Variants in PSEN1 observed in about 807,000 individuals in gnomAD.
PSEN1 encodes presenilin 1.
In PSEN1, 15 loss-of-function variants were observed where a neutral mutation model predicts 53.5. The observed-to-expected ratio is 0.28, with a 90% CI of 0.19 to 0.43. The LOEUF is 0.43. Ranked by LOEUF, PSEN1 falls within the 20% of genes least tolerant of loss-of-function variation. The pLI is 1.00. For missense variants in PSEN1, 387 were observed against 571.2 expected (o/e 0.68, Z 3.29); for synonymous variants, 208 against 209.8 (o/e 0.99, Z 0.08).
At chr14:73,183,964 C>T (rs1194696591) in intron 5 of PSEN1, among the ~76,000 whole-genome samples, 1 of 142,646 alleles carries the variant, frequency 7.0e-6, no homozygotes, top group African/African-American at 2.7e-5. Flanking sequence ...GGGCGGCTGG[C>T]CGGGCAGAGG....
intron 9 of PSEN1, among the ~76,000 whole-genome samples, chr14:73,209,774 G>A (rs1899604002): frequency 6.6e-6 from 1 of 152,212 alleles, no homozygotes; most frequent in Admixed American, 6.5e-5. Context: ...GCTGAAGGAT[G>A]GAGGAAGAGC....
chr14:73,198,672 G>T (rs529870326), intron 8 of PSEN1, among the ~76,000 whole-genome samples: 11 of 152,342 alleles, frequency 7.2e-5, no homozygotes, highest in Admixed American at 2.0e-4. Context: ...TCAAGGGAAA[G>T]AGTTGATCAG....
intron 10 of PSEN1, among the ~76,000 whole-genome samples, chr14:73,214,501 G>T (rs1195523599): frequency 6.8e-6 from 1 of 146,290 alleles, no homozygotes; most frequent in African/African-American, 2.6e-5. Context: ...TTGCACTCCA[G>T]CCTGGGCAAC....
intron 9 of PSEN1, 45 bp from the exon 10 acceptor site, chr14:73,211,724 A>C (rs1210531422): frequency 4.4e-6 from 7 of 1,606,678 alleles, no homozygotes; most frequent in African/African-American, 1.3e-5. Context: ...AAAGGTATTA[A>C]ATTTTTCTAA....
intron 1 of PSEN1, chr14:73,137,208 CTT>C (rs1483208338): frequency 1.3e-5 from 2 of 152,374 alleles, no homozygotes; most frequent in African/African-American, 2.4e-5. Flanking sequence ...ATTGAGGTGA[CTT>C]TTCCATAATT....
At chr14:73,210,228 G>A (rs1189489773) in intron 9 of PSEN1, among the ~76,000 whole-genome samples, 1 of 152,174 alleles carries the variant, frequency 6.6e-6, no homozygotes, top group Admixed American at 6.5e-5. Flanking sequence ...AAATTCATCA[G>A]TGGAAAAAAA....
chr14:73,172,432 G>A (rs574069889), intron 4 of PSEN1, among the ~76,000 whole-genome samples: 3 of 152,302 alleles, frequency 2.0e-5, no homozygotes, highest in South Asian at 4.1e-4. Context: ...GTTTGGCAAC[G>A]TATTATAGAA....
Position 73,211,906 on chromosome 14 carries a change from T to A in PSEN1, c.1093T>A (p.Ser365Thr). Residue 365 changes from serine to threonine, a missense_variant, in exon 10 of 12, where the codon TCC becomes ACC. This residue lies in a region of PSEN1 where 75 missense variants were observed against 63.7 expected (regional missense o/e 1.18). Coordinates refer to ENST00000324501, the MANE Select transcript of PSEN1 (RefSeq NM_000021.4). ...PESRAAVQEL[S>T]SSILAGEDPE... ...GTCACGAGCTGCTGTCCAGGAACTT[T>A]CCAGCAGTATCCTCGCTGGTGAAGA... The A allele has an allele frequency of 3.1e-6, 5 of 1,613,940 alleles. No individual in the cohort carries two copies. Among genetic ancestry groups the A allele is most frequent in the Non-Finnish European group, 4.2e-6 (5 of 1,179,984 alleles).
chr14:73,210,134 C>A (rs956739670), intron 9 of PSEN1, among the ~76,000 whole-genome samples: 2 of 152,066 alleles, frequency 1.3e-5, no homozygotes, highest in African/African-American at 2.4e-5. Flanking sequence ...AAGGAAAAAA[C>A]AAACAAAAGA....
At chr14:73,173,815 TA>T (rs752737031) in intron 5 of PSEN1, 108 bp downstream of exon 5, 1 of 1,308,590 alleles carries the variant, frequency 7.6e-7, no homozygotes, top group Non-Finnish European at 1.1e-6. Flanking sequence ...TTTTGTCTTC[TA>T]GAGATAAGTT....
chr14:73,190,423 G>T (rs1037711404), intron 6 of PSEN1, among the ~76,000 whole-genome samples: 1 of 151,394 alleles, frequency 6.6e-6, no homozygotes, highest in African/African-American at 2.4e-5. Context: ...AAGGACTTTG[G>T]GGCTGCAGTG....
chr14:73,185,041 A>G (rs972176537), intron 5 of PSEN1, among the ~76,000 whole-genome samples: 2 of 147,814 alleles, frequency 1.4e-5, no homozygotes, highest in Admixed American at 6.7e-5. Context: ...CACTTCCTAG[A>G]TGTGATGGCA....
At chr14:73,193,844 A>G (rs1267666648) in intron 7 of PSEN1, among the ~76,000 whole-genome samples, 4 of 151,886 alleles carry the variant, frequency 2.6e-5, no homozygotes, top group African/African-American at 9.7e-5. Context: ...TTTTGTAGAG[A>G]GAACGTCTTG....
At chr14:73,210,993 G>A (rs1043602532) in intron 9 of PSEN1, among the ~76,000 whole-genome samples, 28 of 152,136 alleles carry the variant, frequency 1.8e-4, no homozygotes, top group African/African-American at 5.5e-4. Context: ...TTCACTCCCC[G>A]CTCCTTTCCC....
chr14:73,211,553 G>A (rs1005544635), intron 9 of PSEN1, among the ~76,000 whole-genome samples: 1 of 147,682 alleles, frequency 6.8e-6, no homozygotes, highest in Non-Finnish European at 1.5e-5. Flanking sequence ...CATGTGGGAG[G>A]GGGTGGGAAC....
chr14:73,181,113 C>T lies in PSEN1; in HGVS notation c.481-5740C>T, dbSNP rs533632372. On this transcript the variant is annotated intron_variant, in intron 5 of 11. Transcript: ENST00000324501. Reference sequence around the variant, plus strand: ...GGCAAAGGTTCAATTGTGGGTTTATCCGTATGAGTAGACTATTATTTTGTC... The same window carrying T: ...GGCAAAGGTTCAATTGTGGGTTTATTCGTATGAGTAGACTATTATTTTGTC... Among the ~76,000 whole-genome samples the T allele has an allele frequency of 3.9e-5, 6 of 152,228 alleles. No homozygotes were observed. In the South Asian group the frequency reaches 1.2e-3, roughly 32 times the overall value.
intron 5 of PSEN1, 153 bp downstream of exon 5, chr14:73,173,860 A>G: frequency 2.1e-6 from 2 of 948,980 alleles, no homozygotes; most frequent in East Asian, 4.9e-5. Flanking sequence ...ACTGTGGAAC[A>G]TTCAAAAAAT....
At chr14:73,210,739 T>TC (rs752574021) in intron 9 of PSEN1, among the ~76,000 whole-genome samples, 31 of 152,274 alleles carry the variant, frequency 2.0e-4, no homozygotes, top group African/African-American at 7.5e-4. Flanking sequence ...GTGAGGGCTC[T>TC]CCCAGAGGAA....
chr14:73,140,745 A>T lies in PSEN1; in HGVS notation c.-136+4162A>T, dbSNP rs1173224454. ...CATTTAGTCCTAAAAGTTACAGATA[A>T]GGGATTCTGGACTTGCGATTCTAAG... On this transcript the variant is annotated intron_variant, in intron 1 of 11. Transcript: ENST00000324501. Among the ~76,000 whole-genome samples, 3 of 152,228 alleles carry T rather than the reference A, an allele frequency of 2.0e-5. No homozygotes were observed. The South Asian group carries it at 6.2e-4, about 32-fold the overall frequency.
Sources: gnomAD v4.1 joint callset for allele counts (sites outside exome capture counted in the v4.1 genomes callset) on GRCh38, gnomAD v4.1.1 for gene constraint, gnomAD v4.1.1 regional missense constraint, MANE v1.5 for transcripts, NCBI Gene and HGNC (gene_info 2026-07-23, HGNC 2026-07-21) for gene names.